The following SLC9C2 variants were observed in gnomAD, a reference collection of about 807,000 sequenced individuals.
SLC9C2 encodes the protein solute carrier family 9 member C2 (putative), also known as sodium/hydrogen exchanger 11.
SLC9C2 carries 75 observed loss-of-function variants against 140.2 expected under a neutral mutation model. The observed-to-expected ratio is 0.53, with a 90% CI of 0.44 to 0.65. The LOEUF (loss-of-function observed/expected upper bound fraction) is 0.65. Ranked by LOEUF, SLC9C2 falls within the 30% of genes least tolerant of loss-of-function variation. The probability of loss-of-function intolerance (pLI) is 0.00; values close to 1 mark genes in which losing one functional copy is unlikely to be tolerated. For synonymous variants in SLC9C2, 375 were observed against 420.9 expected, an observed-to-expected ratio of 0.89 and a Z score of 1.34; for missense variants, 1,074 against 1,331.8, an observed-to-expected ratio of 0.81 and a Z score of 3.01.
At chr1:173,503,693 A>G (rs188243689) in intron 26 of SLC9C2, among the ~76,000 whole-genome samples, 3 of 152,334 alleles carry the variant, frequency 2.0e-5, no homozygotes, top group Non-Finnish European at 4.4e-5. Context: ...GAGTGCTGGC[A>G]GACCTTATTT....
At chr1:173,588,598 C>G (rs542161394) in intron 4 of SLC9C2, among the ~76,000 whole-genome samples, 31 of 151,900 alleles carry the variant, frequency 2.0e-4, no homozygotes, top group Admixed American at 1.2e-3. Context: ...GTTAAATTAA[C>G]CTTGTTCTGA....
chr1:173,577,798 TAATA>T (rs772120056), intron 7 of SLC9C2, among the ~76,000 whole-genome samples: 33 of 152,352 alleles, frequency 2.2e-4, no homozygotes, highest in Non-Finnish European at 2.9e-4. Flanking sequence ...CTTAGTAAAT[TAATA>T]GTTTATTAAT....
At position 173,583,490 on chromosome 1, in the gene SLC9C2, C is replaced by T. The variant is rs758735291; in HGVS notation, c.640+16G>A. 2.9e-6 allele frequency: 4 copies of T among 1,388,856 alleles called. No homozygotes were observed. Among genetic ancestry groups the T allele is most frequent in the Non-Finnish European group, 4.0e-6 (4 of 992,222 alleles). The allele number at this position is 1,388,856 out of a possible 1,614,324, so 86.0% of individuals were successfully genotyped here. A position where few individuals can be genotyped will look rare whatever the true frequency, so the allele number is the denominator to read the frequency against. On this transcript the variant is annotated intron_variant, in intron 6 of 27. Transcript: ENST00000367714. ...AGAATGATTTTAGAAAATATACAGA[C>T]AAAAAATGCTCCTACCTCTAAAAAT...
intron 13 of SLC9C2, among the ~76,000 whole-genome samples, chr1:173,542,325 T>C: frequency 9.9e-6 from 1 of 101,144 alleles, no homozygotes; most frequent in Admixed American, 1.4e-4. Flanking sequence ...GTTGAATGGC[T>C]GAATAGACCA....
At chr1:173,561,725 G>A (rs1018483989) in intron 9 of SLC9C2, among the ~76,000 whole-genome samples, 4 of 152,052 alleles carry the variant, frequency 2.6e-5, no homozygotes, top group Non-Finnish European at 5.9e-5. Flanking sequence ...GAACAGGCTT[G>A]ACCAGATAAA....
In SLC9C2 at chr1:173,542,106, C is replaced by T. The variant is rs569037605; in HGVS notation, c.1558-5067G>A. Among the ~76,000 whole-genome samples, 18 of 151,940 alleles carry T rather than the reference C, an allele frequency of 1.2e-4. 1 individual carries two copies. Among genetic ancestry groups the T allele is most frequent in the Admixed American group, 6.6e-5 (1 of 15,256 alleles). ...GAAAAGATCAACAAAATTGATAGAC[C>T]GCTAGCAAGACTAATAAAGAAGGAA... is the stretch of plus-strand genomic sequence containing the variant. On this transcript the variant is annotated intron_variant, in intron 13 of 27. Coordinates refer to ENST00000367714, the MANE Select transcript of SLC9C2 (RefSeq NM_178527.4).
At chr1:173,598,876 T>C (rs574134010) in intron 3 of SLC9C2, among the ~76,000 whole-genome samples, 97 of 152,304 alleles carry the variant, frequency 6.4e-4, no homozygotes, top group Middle Eastern at 3.4e-3. Flanking sequence ...CAATCCTAGA[T>C]GGGTACAAGC....
At chr1:173,582,943 G>A (rs1665635232) in intron 6 of SLC9C2, among the ~76,000 whole-genome samples, 1 of 152,216 alleles carries the variant, frequency 6.6e-6, no homozygotes, top group Admixed American at 6.5e-5. Context: ...CACTATATGT[G>A]TCTATTGTGA....
At chr1:173,573,546 T>C (rs529368047) in intron 8 of SLC9C2, among the ~76,000 whole-genome samples, 2 of 152,274 alleles carry the variant, frequency 1.3e-5, no homozygotes, top group Non-Finnish European at 2.9e-5. Context: ...CATGGGCTGC[T>C]TCTCACAGTA....
At chr1:173,528,313 C>T (rs35607505) in intron 18 of SLC9C2, among the ~76,000 whole-genome samples, 22,244 of 152,090 alleles carry the variant, frequency 0.15, 1,989 homozygotes, top group East Asian at 0.31. Context: ...ATTCACTTCA[C>T]CTGTGACACG....
intron 23 of SLC9C2, among the ~76,000 whole-genome samples, chr1:173,514,523 C>A (rs960392315): frequency 1.3e-5 from 2 of 151,912 alleles, no homozygotes; most frequent in Non-Finnish European, 1.5e-5. Context: ...TTTTCCTCCA[C>A]CCCTTTATTT....
At chr1:173,586,837 T>C (rs552988711) in intron 5 of SLC9C2, among the ~76,000 whole-genome samples, 15 of 151,834 alleles carry the variant, frequency 9.9e-5, no homozygotes, top group African/African-American at 2.4e-4. Context: ...AATGAGAACA[T>C]ATGGACACAG....
At chr1:173,558,372 A>T (rs1012187506) in intron 9 of SLC9C2, among the ~76,000 whole-genome samples, 1 of 152,196 alleles carries the variant, frequency 6.6e-6, no homozygotes, top group Non-Finnish European at 1.5e-5. Context: ...ACCTTTCCCT[A>T]AAATATCAGA....
chr1:173,586,687 C>G (rs1232955397), intron 5 of SLC9C2, among the ~76,000 whole-genome samples: 1 of 152,138 alleles, frequency 6.6e-6, no homozygotes, highest in Non-Finnish European at 1.5e-5. Context: ...CACCATGGAA[C>G]ACTATGCAGC....
intron 5 of SLC9C2, among the ~76,000 whole-genome samples, chr1:173,584,764 T>G (rs1571616833): frequency 1.3e-5 from 2 of 152,304 alleles, no homozygotes; most frequent in East Asian, 3.9e-4. Context: ...TTCCTCCCTC[T>G]CTTTTCTTTC....
At chr1:173,595,120 T>C (rs764313832) in intron 4 of SLC9C2, among the ~76,000 whole-genome samples, 14 of 152,164 alleles carry the variant, frequency 9.2e-5, no homozygotes, top group Non-Finnish European at 1.9e-4. Context: ...CCTCGTAATC[T>C]GCCTGCCTTG....
intron 11 of SLC9C2, among the ~76,000 whole-genome samples, chr1:173,549,299 T>G (rs6691086): frequency 0.02 from 3,036 of 152,290 alleles, 101 homozygotes; most frequent in African/African-American, 0.069. Flanking sequence ...ATGGAGTGAT[T>G]TGAAGTTTGG....
intron 3 of SLC9C2, 33 bp downstream of exon 3, chr1:173,600,084 C>T (rs1341515022): frequency 3.5e-6 from 5 of 1,448,726 alleles, no homozygotes; most frequent in African/African-American, 1.4e-5. Context: ...GGCATTTTTT[C>T]CTTTATTCTC....
In SLC9C2 at chr1:173,592,128, T is replaced by C. The variant is rs1666196932; in HGVS notation, c.358-4298A>G. On this transcript the variant is annotated intron_variant, in intron 4 of 27. Coordinates refer to ENST00000367714, the MANE Select transcript of SLC9C2 (RefSeq NM_178527.4). Reference sequence around the variant, plus strand: ...GCACAATTCATTGACTAGGGAGTCCTTTACCCATTGTTTGTTTTTATCAGC... The same window carrying C: ...GCACAATTCATTGACTAGGGAGTCCCTTACCCATTGTTTGTTTTTATCAGC... 2.6e-5 allele frequency among the ~76,000 whole-genome samples: 4 copies of C among 152,358 alleles called. No homozygotes were observed. The South Asian group carries it at 8.3e-4, about 32-fold the overall frequency.
Sources: gnomAD v4.1 joint callset for allele counts (sites outside exome capture counted in the v4.1 genomes callset) on GRCh38, gnomAD v4.1.1 for gene constraint, MANE v1.5 for transcripts, NCBI Gene and HGNC (gene_info 2026-07-23, HGNC 2026-07-21) for gene names.